The following BTBD9 variants were observed in gnomAD, a reference collection of about 807,000 sequenced individuals.
BTBD9 encodes BTB domain containing 9.
A neutral mutation model predicts 64.3 loss-of-function variants in BTBD9; 49 were observed. The ratio of observed to expected loss-of-function variants is 0.76; its 90% CI spans 0.61 to 0.97. BTBD9 has a LOEUF of 0.97. Among genes scored for constraint, BTBD9 ranks in the 50% least tolerant of loss-of-function variants. The pLI, the probability that BTBD9 is intolerant of heterozygous loss-of-function variation, is 0.00. For missense variants in BTBD9, 598 were observed against 762.1 expected (o/e 0.78, Z 2.53); for synonymous variants, 260 against 274.7 (o/e 0.95, Z 0.53).
intron 9 of BTBD9, among the ~76,000 whole-genome samples, chr6:38,213,239 C>T (rs1024602576): frequency 1.3e-5 from 2 of 152,068 alleles, no homozygotes; most frequent in Non-Finnish European, 2.9e-5. Context: ...AAGCCAAATT[C>T]GTTCAGCACC....
chr6:38,461,699 T>G (rs759523945), intron 6 of BTBD9, among the ~76,000 whole-genome samples: 11 of 152,234 alleles, frequency 7.2e-5, no homozygotes, highest in Admixed American at 3.3e-4. Context: ...AATGGCTGAA[T>G]CATATGTAGG....
intron 6 of BTBD9, among the ~76,000 whole-genome samples, chr6:38,441,541 T>C (rs1224027579): frequency 6.6e-6 from 1 of 151,574 alleles, no homozygotes; most frequent in Non-Finnish European, 1.5e-5. Context: ...GCTTCGGGAG[T>C]AGCTAGGACT....
chr6:38,302,485 G>GTATGTGTGTGTGTGTGTATATATA (rs1384155514), intron 7 of BTBD9, among the ~76,000 whole-genome samples: 16 of 106,894 alleles, frequency 1.5e-4, no homozygotes, highest in African/African-American at 5.7e-4. Flanking sequence ...TTGTGTGTAT[G>GTATGTGTGTGTGTGTGTATATATA]TATATATATA....
At chr6:38,445,352 T>G (rs1351069368) in intron 6 of BTBD9, among the ~76,000 whole-genome samples, 1 of 152,200 alleles carries the variant, frequency 6.6e-6, no homozygotes, top group Non-Finnish European at 1.5e-5. Flanking sequence ...ATTTTTCTGT[T>G]GACTATCCTC....
intron 6 of BTBD9, among the ~76,000 whole-genome samples, chr6:38,387,222 C>T (rs940523074): frequency 6.6e-6 from 1 of 152,186 alleles, no homozygotes; most frequent in African/African-American, 2.4e-5. Context: ...CAGGGAGAGA[C>T]TATAGTAAGT....
In BTBD9 at chr6:38,283,399, G is replaced by C. The variant is rs147092714; in HGVS notation, c.1454+4873C>G. Among the ~76,000 whole-genome samples, 377 of 152,316 alleles carry C rather than the reference G, an allele frequency of 2.5e-3. 3 individuals are homozygous for C. The highest frequency in any genetic ancestry group is 8.2e-3 in the African/African-American group (339 of 41,580). On this transcript the variant is annotated intron_variant, in intron 8 of 10. Coordinates refer to ENST00000481247, the MANE Select transcript of BTBD9 (RefSeq NM_001099272.2). ...GCAGGGGCTCACACCTGTAATCCCA[G>C]CACTTTGGGAGGCTAAGTCAGTAGG...
chr6:38,342,205 T>C (rs1175414325), intron 7 of BTBD9, among the ~76,000 whole-genome samples: 1 of 151,888 alleles, frequency 6.6e-6, no homozygotes, highest in Non-Finnish European at 1.5e-5. Flanking sequence ...GACCAGGAAC[T>C]ATGAAAGAAA....
chr6:38,183,323 G>T (rs549769919), intron 10 of BTBD9, among the ~76,000 whole-genome samples: 1 of 152,282 alleles, frequency 6.6e-6, no homozygotes, highest in South Asian at 2.1e-4. Flanking sequence ...ATATTTTTCT[G>T]CCTTTTTTCC....
intron 7 of BTBD9, among the ~76,000 whole-genome samples, chr6:38,335,099 A>T (rs1763842777): frequency 6.6e-6 from 1 of 152,048 alleles, no homozygotes; most frequent in Non-Finnish European, 1.5e-5. Context: ...TCCTGCTGCC[A>T]TGTAAGGTGT....
chr6:38,221,234 C>A (rs1763186391), intron 9 of BTBD9, among the ~76,000 whole-genome samples: 1 of 152,196 alleles, frequency 6.6e-6, no homozygotes, highest in South Asian at 2.1e-4. Context: ...AACTTCACAT[C>A]TACAGCAACT....
chr6:38,423,079 A>G (rs12190749), intron 6 of BTBD9, among the ~76,000 whole-genome samples: 7,668 of 152,218 alleles, frequency 0.05, 285 homozygotes, highest in Middle Eastern at 0.14. Context: ...AGCATGGCCA[A>G]CATGGTAAAA....
intron 7 of BTBD9, among the ~76,000 whole-genome samples, chr6:38,316,148 C>T (rs1242605628): frequency 6.6e-6 from 1 of 152,066 alleles, no homozygotes; most frequent in African/African-American, 2.4e-5. Flanking sequence ...TTGGTTTCCA[C>T]TGGCATGGAA....
chr6:38,466,018 G>A (rs1157312409), intron 6 of BTBD9, among the ~76,000 whole-genome samples: 6 of 150,370 alleles, frequency 4.0e-5, no homozygotes, highest in Non-Finnish European at 7.4e-5. Flanking sequence ...TCACTATGTT[G>A]TCCAGGCTAG....
chr6:38,272,433 G>A (rs1206300823), intron 8 of BTBD9, among the ~76,000 whole-genome samples: 1 of 152,086 alleles, frequency 6.6e-6, no homozygotes, highest in Non-Finnish European at 1.5e-5. Flanking sequence ...TAGCTGGCCA[G>A]GGCAGTCTAT....
rs368982614 is a variant in BTBD9 at position 38,318,258 on chromosome 6, CCT to C, written c.1264+26724_1264+26725del. The stretch of plus-strand genomic sequence containing the variant: ...TATCTCCGTCTCTGCAGGATTGGCC[CCT>C]GTTGCCTTATTTAATTCGTCTGGTG... On this transcript the variant is annotated intron_variant, in intron 7 of 10. Coordinates refer to ENST00000481247, the MANE Select transcript of BTBD9 (RefSeq NM_001099272.2). Among the ~76,000 whole-genome samples the C allele has an allele frequency of 8.6e-4, 131 of 152,216 alleles. 1 individual carries two copies. The East Asian group carries it at 0.018, about 21-fold the overall frequency.
At chr6:38,213,521 G>T (rs1762904721) in intron 9 of BTBD9, among the ~76,000 whole-genome samples, 1 of 152,124 alleles carries the variant, frequency 6.6e-6, no homozygotes, top group East Asian at 1.9e-4. Flanking sequence ...TTTGAGGCAG[G>T]CCCCATAAAG....
chr6:38,295,229 A>G (rs558804818), intron 7 of BTBD9, among the ~76,000 whole-genome samples: 1 of 152,248 alleles, frequency 6.6e-6, no homozygotes, highest in East Asian at 1.9e-4. Flanking sequence ...CAGTGGTACG[A>G]TCACGGTTCA....
chr6:38,402,592 C>T (rs1266997459), intron 6 of BTBD9, among the ~76,000 whole-genome samples: 2 of 152,154 alleles, frequency 1.3e-5, no homozygotes, highest in African/African-American at 4.8e-5. Context: ...GAAAATGTGC[C>T]TGGGACAACT....
intron 7 of BTBD9, among the ~76,000 whole-genome samples, chr6:38,299,749 G>A (rs1193680380): frequency 1.3e-5 from 2 of 152,062 alleles, no homozygotes; most frequent in Admixed American, 6.6e-5. Flanking sequence ...TGTAGATTCT[G>A]GATATTAGTC....
Sources: allele counts gnomAD v4.1 joint callset (sites outside exome capture counted in the v4.1 genomes callset), GRCh38; gene constraint gnomAD v4.1.1; transcripts MANE v1.5; gene names NCBI Gene and HGNC (gene_info 2026-07-23, HGNC 2026-07-21).